The following TDRD7 variants were observed in gnomAD, a reference collection of about 807,000 sequenced individuals.
TDRD7 encodes tudor domain containing 7.
In TDRD7, 47 loss-of-function variants were observed where a neutral mutation model predicts 109.8. That is an observed-to-expected ratio of 0.43 (90% CI 0.34 to 0.55). The LOEUF (loss-of-function observed/expected upper bound fraction) is 0.55. Ranked by LOEUF, TDRD7 falls within the 20% of genes least tolerant of loss-of-function variation. The probability of loss-of-function intolerance (pLI) is 0.03; values close to 1 mark genes in which losing one functional copy is unlikely to be tolerated. For synonymous variants in TDRD7, 424 were observed against 457.3 expected, an observed-to-expected ratio of 0.93 and a Z score of 0.93; for missense variants, 1,164 against 1,319.2, an observed-to-expected ratio of 0.88 and a Z score of 1.82.
intron 1 of TDRD7, among the ~76,000 whole-genome samples, chr9:97,425,633 A>G (rs111703563): frequency 3.3e-5 from 5 of 152,300 alleles, no homozygotes; most frequent in African/African-American, 1.2e-4. Flanking sequence ...ACACACACAC[A>G]CATCTGTGAA....
chr9:97,485,622 TTGATC>T (rs1829198340), intron 15 of TDRD7, among the ~76,000 whole-genome samples: 1 of 152,256 alleles, frequency 6.6e-6, no homozygotes, highest in African/African-American at 2.4e-5. Flanking sequence ...TCTCTTCAGT[TTGATC>T]TGAAGTTCTT....
chr9:97,492,441 C>G (rs1257336030), intron 16 of TDRD7, among the ~76,000 whole-genome samples: 2 of 152,202 alleles, frequency 1.3e-5, no homozygotes, highest in African/African-American at 4.8e-5. Flanking sequence ...TGTATACTTC[C>G]TTCTCCATGA....
intron 15 of TDRD7, among the ~76,000 whole-genome samples, chr9:97,484,675 C>T (rs1274148112): frequency 6.6e-6 from 1 of 152,154 alleles, no homozygotes; most frequent in Non-Finnish European, 1.5e-5. Context: ...ATTTGTATGT[C>T]ATAAGCTTTT....
At chr9:97,475,596 G>A in intron 12 of TDRD7, 127 bp downstream of exon 12, 1 of 753,778 alleles carries the variant, frequency 1.3e-6, no homozygotes, top group South Asian at 1.6e-5. Flanking sequence ...AATAAAACAT[G>A]ACCAGTATGG....
At chr9:97,494,829 G>A (rs1208663973) in intron 16 of TDRD7, among the ~76,000 whole-genome samples, 1 of 151,344 alleles carries the variant, frequency 6.6e-6, no homozygotes, top group Non-Finnish European at 1.5e-5. Flanking sequence ...TCCTCCCTTA[G>A]CCTCCTGAGT....
At chr9:97,489,478 A>G (rs1164060865) in intron 16 of TDRD7, among the ~76,000 whole-genome samples, 1 of 152,152 alleles carries the variant, frequency 6.6e-6, no homozygotes, top group African/African-American at 2.4e-5. Flanking sequence ...CTTTCTTTCA[A>G]TTAGTGTTAA....
At chr9:97,436,035 T>C (rs984136995) in intron 4 of TDRD7, among the ~76,000 whole-genome samples, 2 of 152,116 alleles carry the variant, frequency 1.3e-5, no homozygotes, top group African/African-American at 4.8e-5. Flanking sequence ...CAAAGCTCAT[T>C]CTCAAGAGTT....
Position 97,475,532 on chromosome 9 carries a change from T to TTTAAAAAATACA in TDRD7, c.2166+63_2166+64insTTAAAAAATACA, listed in dbSNP as rs1471888091. ...TTGTGAAATATTTCAAATATACACA[T>TTTAAAAAATACA]AGGTTTTTTTAAAAAATTGAATAAA... is the stretch of plus-strand genomic sequence containing the variant. On this transcript the variant is annotated intron_variant, in intron 12 of 16. Transcript: ENST00000355295. The TTTAAAAAATACA allele has an allele frequency of 3.1e-5, 37 of 1,177,748 alleles. No individual in the cohort carries two copies. In the African/African-American group the frequency reaches 4.4e-4, roughly 14 times the overall value. The allele number at this position is 1,177,748 out of a possible 1,614,324, so 73.0% of individuals were successfully genotyped here. A position where few individuals can be genotyped will look rare whatever the true frequency, so the allele number is the denominator to read the frequency against.
rs752874296 is a variant in TDRD7 at position 97,487,316 on chromosome 9, C to G, written c.3060C>G (p.Val1020=). 1 of 1,613,784 alleles carries G rather than the reference C, an allele frequency of 6.2e-7. No homozygotes were observed. The highest frequency in any genetic ancestry group is 1.3e-5 in the African/African-American group (1 of 74,880). ...TCCGAAAGCTGCCCTTCCAAGCAGT[C>G]ACAGCTCAACTTGCAGGTAATTTCT... The part of the protein sequence containing the change: ...DMFRKLPFQA[V]TAQLAGVKCN... Residue 1020 remains valine, a synonymous_variant, in exon 16 of 17, where the codon GTC becomes GTG. Coordinates refer to ENST00000355295, the MANE Select transcript of TDRD7 (RefSeq NM_014290.3).
Position 97,495,701 on chromosome 9 carries a change from G to T in TDRD7, c.3115G>T (p.Val1039Leu), listed in dbSNP as rs900021234. 1 of 1,614,148 alleles carries T rather than the reference G, an allele frequency of 6.2e-7. No homozygotes were observed. Among genetic ancestry groups the T allele is most frequent in the Non-Finnish European group, 8.5e-7 (1 of 1,180,018 alleles). ...CCAGTGGTCTGAGGAGGCTTCTATG[G>T]TGTTTCGAAATCATGTGGAGAAGAA... Reference protein sequence around the residue: ...CNQWSEEASMVFRNHVEKKPL... With the variant: ...CNQWSEEASMLFRNHVEKKPL... Residue 1039 changes from valine to leucine, a missense_variant, in exon 17 of 17, where the codon GTG (valine) becomes TTG (leucine). Val to Leu is a conservative substitution (Grantham distance 32). Transcript: ENST00000355295.
intron 16 of TDRD7, among the ~76,000 whole-genome samples, chr9:97,494,211 C>G (rs1829356553): frequency 6.6e-6 from 1 of 152,226 alleles, no homozygotes; most frequent in Non-Finnish European, 1.5e-5. Flanking sequence ...ATTTGGGGAA[C>G]TAATAAATGT....
intron 8 of TDRD7, among the ~76,000 whole-genome samples, chr9:97,469,791 G>T (rs2131160891): frequency 6.6e-6 from 1 of 152,152 alleles, no homozygotes; most frequent in South Asian, 2.1e-4. Flanking sequence ...TTAAACTGAA[G>T]ATTCTATAAA....
Position 97,495,781 on chromosome 9 carries a change from G to A in TDRD7, c.3195G>A (p.Arg1065=). 1 of 1,614,152 alleles carries A rather than the reference G, an allele frequency of 6.2e-7. No individual in the cohort carries two copies. The highest frequency in any genetic ancestry group is 8.5e-7 in the Non-Finnish European group (1 of 1,180,012). ...TTGAAAATGCTAACCCTTGGGACCG[G>A]AAAGTAGTGGTCTACTTAGTGGACA... ...TVIENANPWD[R]KVVVYLVDTS... is the part of the protein sequence containing the mutation. The change falls in exon 17 of 17, where the codon CGG becomes CGA. Residue 1065 remains arginine, a synonymous_variant. Transcript: ENST00000355295.
intron 13 of TDRD7, chr9:97,480,607 T>A: frequency 1.9e-6 from 1 of 536,162 alleles, no homozygotes; most frequent in Non-Finnish European, 3.5e-6. Flanking sequence ...GTGCTGGGGG[T>A]AAGCCCTGGC....
intron 3 of TDRD7, 116 bp downstream of exon 3, chr9:97,431,190 T>C (rs889147356): frequency 2.3e-5 from 33 of 1,464,870 alleles, no homozygotes; most frequent in Middle Eastern, 2.0e-4. Context: ...AACATACATA[T>C]GTCAGGGGAA....
At chr9:97,483,726 A>G (rs2131178571) in intron 15 of TDRD7, among the ~76,000 whole-genome samples, 1 of 152,156 alleles carries the variant, frequency 6.6e-6, no homozygotes, top group South Asian at 2.1e-4. Context: ...ATTAAAATCA[A>G]CCACCCACAC....
At position 97,472,477 on chromosome 9, in the gene TDRD7, A is replaced by T; in HGVS notation, c.1926A>T (p.Ser642=). 6.2e-7 allele frequency: 1 copy of T among 1,613,668 alleles called. No homozygotes were observed. Among genetic ancestry groups the T allele is most frequent in the Non-Finnish European group, 8.5e-7 (1 of 1,179,726 alleles). ...ATCLKAICDK[S]LEVHLQVDAM... ...GCTTGAAGGCTATATGTGACAAGTC[A>T]CTAGAGGTTCACCTGCAGGTACCAC... The change falls in exon 10 of 17, where the codon TCA becomes TCT. Residue 642 remains serine, a synonymous_variant. Transcript: ENST00000355295.
chr9:97,468,521 C>G (rs1828856761), intron 8 of TDRD7, among the ~76,000 whole-genome samples: 1 of 152,186 alleles, frequency 6.6e-6, no homozygotes, highest in African/African-American at 2.4e-5. Context: ...CCCCACATCC[C>G]CTTGAAGCTG....
At chr9:97,463,635 A>G (rs1399828883) in intron 7 of TDRD7, among the ~76,000 whole-genome samples, 1 of 152,134 alleles carries the variant, frequency 6.6e-6, no homozygotes, top group Non-Finnish European at 1.5e-5. Context: ...CCTCGATCCT[A>G]TGGCTGGGAC....
Sources: gnomAD v4.1 joint callset for allele counts (sites outside exome capture counted in the v4.1 genomes callset) on GRCh38, gnomAD v4.1.1 for gene constraint, MANE v1.5 for transcripts, NCBI Gene and HGNC (gene_info 2026-07-23, HGNC 2026-07-21) for gene names.